Variants in UBE2G1 observed in about 807,000 individuals in gnomAD.
UBE2G1 encodes the protein ubiquitin-conjugating enzyme E2 G1.
UBE2G1 carries 5 observed loss-of-function variants against 22.7 expected under a neutral mutation model. That is an observed-to-expected ratio of 0.22 (90% CI 0.12 to 0.46). UBE2G1 has a LOEUF of 0.46. Ranked by LOEUF, UBE2G1 falls within the 20% of genes least tolerant of loss-of-function variation. The probability of loss-of-function intolerance (pLI) is 0.99; values close to 1 mark genes in which losing one functional copy is unlikely to be tolerated. For missense variants in UBE2G1, 88 were observed against 203.9 expected (o/e 0.43, Z 3.46); for synonymous variants, 74 against 67.5 (o/e 1.10, Z -0.47).
Position 4,269,891 on chromosome 17 carries a change from T to C in UBE2G1, c.*2663A>G, listed in dbSNP as rs1452337761. On this transcript the variant is annotated 3_prime_UTR_variant, in exon 6 of 6. Transcript: ENST00000396981. ...GAATCGCCTCACACTGATGAGGCACTGGTGGGACAAAAGCCACCTCGTTCA... is the reference window on the plus strand; with the variant it reads ...GAATCGCCTCACACTGATGAGGCACCGGTGGGACAAAAGCCACCTCGTTCA... 6.5e-6 allele frequency: 1 copy of C among 154,326 alleles called. No individual in the cohort carries two copies. Among genetic ancestry groups the C allele is most frequent in the Non-Finnish European group, 1.4e-5 (1 of 69,084 alleles). 9.6% of individuals were successfully genotyped at this position (154,326 alleles called of 1,614,324 possible). A position where few individuals can be genotyped will look rare whatever the true frequency, so the allele number is the denominator to read the frequency against.
At position 4,293,555 on chromosome 17, in the gene UBE2G1, G is replaced by A. The variant is rs1969069394; in HGVS notation, c.247+3162C>T. 2.0e-5 allele frequency among the ~76,000 whole-genome samples: 3 copies of A among 152,148 alleles called. No individual in the cohort carries two copies. The Middle Eastern group carries it at 0.01, about 518-fold the overall frequency. On this transcript the variant is annotated intron_variant, in intron 3 of 5. Transcript: ENST00000396981. Reference sequence around the variant, plus strand: ...TTAGGTTCCTAGGATGGAAGTGCAGGGTCCTATGGTAACTATGCTTAACCT... The same window carrying A: ...TTAGGTTCCTAGGATGGAAGTGCAGAGTCCTATGGTAACTATGCTTAACCT...
chr17:4,313,856 C>T (rs72829385), intron 1 of UBE2G1, among the ~76,000 whole-genome samples: 2,510 of 152,102 alleles, frequency 0.017, 38 homozygotes, highest in Middle Eastern at 0.027. Context: ...CACTGTGGGC[C>T]AGAGTGGTCT....
rs1307361383 is a variant in UBE2G1, at chr17:4,318,886, T to C, written c.47-11763A>G. On this transcript the variant is annotated intron_variant, in intron 1 of 5. Coordinates refer to ENST00000396981, the MANE Select transcript of UBE2G1 (RefSeq NM_003342.5). ...CATTTCAACCACCAAATAATACATATAAAAAACCAGAAAGACTTCAGAAAA... is the reference window on the plus strand; with the variant it reads ...CATTTCAACCACCAAATAATACATACAAAAAACCAGAAAGACTTCAGAAAA... 3.3e-5 allele frequency among the ~76,000 whole-genome samples: 5 copies of C among 151,902 alleles called. No homozygotes were observed. The East Asian group carries it at 9.6e-4, about 29-fold the overall frequency.
intron 5 of UBE2G1, among the ~76,000 whole-genome samples, chr17:4,279,748 C>A (rs1968860921): frequency 8.2e-6 from 1 of 121,746 alleles, no homozygotes; most frequent in Non-Finnish European, 1.8e-5. Flanking sequence ...GCAATCCAGC[C>A]CGAGCGACAC....
At chr17:4,335,376 C>G (rs1267039566) in intron 1 of UBE2G1, 1 of 152,050 alleles carries the variant, frequency 6.6e-6, no homozygotes, top group Non-Finnish European at 1.5e-5. Flanking sequence ...CTAGAGTAAC[C>G]CTAGATGCCA....
chr17:4,275,013 G>A (rs145884443), intron 5 of UBE2G1, among the ~76,000 whole-genome samples: 84 of 151,170 alleles, frequency 5.6e-4, no homozygotes, highest in Admixed American at 3.8e-3. Context: ...GACAGTAAGA[G>A]TGAGACCTTG....
intron 1 of UBE2G1, among the ~76,000 whole-genome samples, chr17:4,334,541 C>CTGTT (rs145122310): frequency 0.034 from 5,214 of 151,944 alleles, 320 homozygotes; most frequent in African/African-American, 0.12. Context: ...GTGGTTTTAC[C>CTGTT]TGTTTGTTTG....
At chr17:4,320,509 G>A (rs998548472) in intron 1 of UBE2G1, among the ~76,000 whole-genome samples, 1 of 152,232 alleles carries the variant, frequency 6.6e-6, no homozygotes, top group South Asian at 2.1e-4. Flanking sequence ...ATTTCAGCCC[G>A]CATGCATGCA....
chr17:4,319,316 A>G (rs1969409865), intron 1 of UBE2G1, among the ~76,000 whole-genome samples: 1 of 152,222 alleles, frequency 6.6e-6, no homozygotes, highest in African/African-American at 2.4e-5. Flanking sequence ...GGGAAAAAAC[A>G]AGTCCAGTAT....
intron 4 of UBE2G1, among the ~76,000 whole-genome samples, chr17:4,287,342 T>G (rs937074696): frequency 6.6e-6 from 1 of 152,018 alleles, no homozygotes; most frequent in Non-Finnish European, 1.5e-5. Context: ...GACCTTGTGA[T>G]CTGCCCACCT....
Position 4,307,147 on chromosome 17 carries a change from C to G in UBE2G1, c.47-24G>C, listed in dbSNP as rs893310987. 1.1e-5 allele frequency: 17 copies of G among 1,588,550 alleles called. No individual in the cohort carries two copies. The African/African-American group carries it at 2.0e-4, about 19-fold the overall frequency. Reference sequence around the variant, plus strand: ...TTCTGTGGAAAAAGAAAAGTTTAATCAATACATTTAAGCACATAATTTGCA... The same window carrying G: ...TTCTGTGGAAAAAGAAAAGTTTAATGAATACATTTAAGCACATAATTTGCA... On this transcript the variant is annotated intron_variant, in intron 1 of 5. Transcript: ENST00000396981.
At chr17:4,345,376 A>T (rs1265894172) in intron 1 of UBE2G1, among the ~76,000 whole-genome samples, 1 of 152,252 alleles carries the variant, frequency 6.6e-6, no homozygotes, top group Non-Finnish European at 1.5e-5. Flanking sequence ...TTGAATTTTA[A>T]ACAATATTGT....
intron 1 of UBE2G1, among the ~76,000 whole-genome samples, chr17:4,316,938 T>TA (rs33950725): frequency 0.059 from 7,942 of 134,250 alleles, 769 homozygotes; most frequent in African/African-American, 0.21. Context: ...GTCTCTTGAA[T>TA]AAAAAAAAAA....
At chr17:4,344,341 C>T (rs1002410508) in intron 1 of UBE2G1, among the ~76,000 whole-genome samples, 2 of 151,888 alleles carry the variant, frequency 1.3e-5, no homozygotes, top group Non-Finnish European at 2.9e-5. Context: ...GACATTGAAA[C>T]CATCCTGACT....
intron 2 of UBE2G1, among the ~76,000 whole-genome samples, chr17:4,305,972 CTCT>C (rs1476881589): frequency 1.3e-5 from 2 of 152,236 alleles, no homozygotes; most frequent in Non-Finnish European, 2.9e-5. Context: ...AACTCTATTT[CTCT>C]TCTTCTACTG....
At chr17:4,349,400 G>A (rs1198376437) in intron 1 of UBE2G1, among the ~76,000 whole-genome samples, 4 of 152,102 alleles carry the variant, frequency 2.6e-5, no homozygotes, top group South Asian at 2.1e-4. Flanking sequence ...ATCACCTGCC[G>A]TCATAACTGG....
intron 1 of UBE2G1, among the ~76,000 whole-genome samples, chr17:4,362,478 C>A (rs1231695302): frequency 1.3e-5 from 2 of 152,068 alleles, no homozygotes; most frequent in Non-Finnish European, 2.9e-5. Context: ...AGAATAGGCC[C>A]TACAACAATA....
rs1023054697 is a variant in UBE2G1, at chr17:4,274,011, A to T, written c.*38-1495T>A. Among the ~76,000 whole-genome samples, 5 of 151,850 alleles carry T rather than the reference A, an allele frequency of 3.3e-5. No individual in the cohort carries two copies. In the East Asian group the frequency reaches 9.7e-4, roughly 29 times the overall value. ...TTACCAATTTTTTTTTTTGAGACGG[A>T]GTCTTGCTCTGTCACCCAGGCTGCA... On this transcript the variant is annotated intron_variant, in intron 5 of 5. Transcript: ENST00000396981.
At chr17:4,353,850 C>T (rs1224580190) in intron 1 of UBE2G1, among the ~76,000 whole-genome samples, 2 of 133,780 alleles carry the variant, frequency 1.5e-5, no homozygotes, top group African/African-American at 5.8e-5. Context: ...CAGAGTCTCA[C>T]TCAGTCACCC....
Sources: allele counts gnomAD v4.1 joint callset (sites outside exome capture counted in the v4.1 genomes callset), GRCh38; gene constraint gnomAD v4.1.1; transcripts MANE v1.5; gene names NCBI Gene and HGNC (gene_info 2026-07-23, HGNC 2026-07-21).